Variants in EYA1 observed in about 807,000 individuals in gnomAD.
The protein encoded by EYA1 is EYA transcriptional coactivator and phosphatase 1.
A neutral mutation model predicts 82.0 loss-of-function variants in EYA1; 16 were observed. That is an observed-to-expected ratio of 0.20 (90% CI 0.13 to 0.30). EYA1 has a LOEUF of 0.30. EYA1 is among the 10% of genes least tolerant of loss of function. The pLI is 1.00. For synonymous variants in EYA1, 261 were observed against 264.4 expected, an observed-to-expected ratio of 0.99 and a Z score of 0.12; for missense variants, 633 against 730.7, an observed-to-expected ratio of 0.87 and a Z score of 1.54.
upstream of EYA1, among the ~76,000 whole-genome samples, chr8:71,366,208 G>A (rs1827744010): frequency 6.6e-6 from 1 of 151,886 alleles, no homozygotes; most frequent in Non-Finnish European, 1.5e-5. Flanking sequence ...GAAACTAATA[G>A]TGATAGCAAG....
intron 11 of EYA1, among the ~76,000 whole-genome samples, chr8:71,253,615 G>T (rs1172929653): frequency 6.6e-6 from 1 of 152,092 alleles, no homozygotes; most frequent in Non-Finnish European, 1.5e-5. Context: ...TCCTCAAGTA[G>T]GATAGCTGGA....
intron 7 of EYA1, among the ~76,000 whole-genome samples, chr8:71,313,724 T>C (rs1295616879): frequency 6.6e-6 from 1 of 152,218 alleles, no homozygotes; most frequent in Non-Finnish European, 1.5e-5. Flanking sequence ...CAGCCAATCT[T>C]ACTCCAGAAC....
chr8:71,521,644 T>A (rs1187220827), intron 2 of EYA1, among the ~76,000 whole-genome samples: 1 of 152,142 alleles, frequency 6.6e-6, no homozygotes, highest in African/African-American at 2.4e-5. Flanking sequence ...TCTCTTAACA[T>A]ATATTTTTAA....
At chr8:71,440,243 G>A (rs954625814) in intron 2 of EYA1, among the ~76,000 whole-genome samples, 6 of 152,188 alleles carry the variant, frequency 3.9e-5, no homozygotes, top group African/African-American at 1.2e-4. Context: ...CTAAGCTAAC[G>A]AGTTTGAGTT....
At chr8:71,518,811 C>G (rs1048757184) in intron 2 of EYA1, among the ~76,000 whole-genome samples, 20 of 151,952 alleles carry the variant, frequency 1.3e-4, no homozygotes, top group Non-Finnish European at 2.1e-4. Context: ...ATGTTTGTGG[C>G]CTTGTTAGTA....
At chr8:71,500,957 G>A (rs1811768793) in intron 2 of EYA1, among the ~76,000 whole-genome samples, 1 of 152,174 alleles carries the variant, frequency 6.6e-6, no homozygotes, top group African/African-American at 2.4e-5. Context: ...GATAAGGGTT[G>A]AGAGGCTGTG....
At chr8:71,299,808 G>A in intron 7 of EYA1, 88 bp from the exon 8 acceptor site, 1 of 786,322 alleles carries the variant, frequency 1.3e-6, no homozygotes, top group Non-Finnish European at 2.3e-6. Flanking sequence ...AGGCAGAATT[G>A]GTATTTGGTT....
At chr8:71,232,902 C>A (rs1455150186) in intron 12 of EYA1, among the ~76,000 whole-genome samples, 1 of 152,112 alleles carries the variant, frequency 6.6e-6, no homozygotes, top group Non-Finnish European at 1.5e-5. Flanking sequence ...GTGCTTCCTG[C>A]GAGCCAGTGC....
intron 6 of EYA1, among the ~76,000 whole-genome samples, chr8:71,321,162 C>T (rs1822494273): frequency 6.6e-6 from 1 of 152,106 alleles, no homozygotes; most frequent in Admixed American, 6.5e-5. Context: ...AAGATAATCT[C>T]CAGGTGGGAA....
intron 2 of EYA1, among the ~76,000 whole-genome samples, chr8:71,430,221 T>C (rs1805516988): frequency 6.6e-6 from 1 of 152,216 alleles, no homozygotes; most frequent in South Asian, 2.1e-4. Context: ...CTAAATCCTT[T>C]ATGTGTAATA....
intron 2 of EYA1, among the ~76,000 whole-genome samples, chr8:71,486,903 T>A (rs57184516): frequency 5.9e-5 from 9 of 151,590 alleles, no homozygotes; most frequent in African/African-American, 2.2e-4. Flanking sequence ...GAAGTGCTAT[T>A]TTCATCTCCA....
chr8:71,469,543 G>A lies in EYA1; in HGVS notation c.33+66201C>T, dbSNP rs915291361. ...TTCTATTGCCTTAGAAGATGACACT[G>A]AACCAAAACCACACTCTGTTTTCTG... is the stretch of plus-strand genomic sequence containing the variant. On this transcript the variant is annotated intron_variant, in intron 2 of 18. Coordinates refer to the EYA1 transcript ENST00000643681. Among the ~76,000 whole-genome samples, 10 of 152,226 alleles carry A rather than the reference G, an allele frequency of 6.6e-5. No individual in the cohort carries two copies. In the East Asian group the frequency reaches 1.9e-3, roughly 29 times the overall value.
At chr8:71,357,921 T>C (rs1003238669) in intron 1 of EYA1, among the ~76,000 whole-genome samples, 1 of 152,106 alleles carries the variant, frequency 6.6e-6, no homozygotes, top group Non-Finnish European at 1.5e-5. Context: ...CAAGTTTAAG[T>C]GGTTTCCTTT....
intron 9 of EYA1, among the ~76,000 whole-genome samples, chr8:71,279,474 C>A (rs1242823448): frequency 6.6e-6 from 1 of 152,208 alleles, no homozygotes; most frequent in Non-Finnish European, 1.5e-5. Context: ...TATTATAGTT[C>A]TTCCGTGGCA....
At chr8:71,232,829 T>G (rs538636256) in intron 12 of EYA1, among the ~76,000 whole-genome samples, 1 of 152,264 alleles carries the variant, frequency 6.6e-6, no homozygotes, top group South Asian at 2.1e-4. Context: ...TTACAGGGCT[T>G]GACCCAGCAT....
intron 2 of EYA1, among the ~76,000 whole-genome samples, chr8:71,527,713 G>A (rs947122066): frequency 6.6e-6 from 1 of 152,136 alleles, no homozygotes; most frequent in African/African-American, 2.4e-5. Context: ...GGTAACAACA[G>A]AACAATGCAT....
intron 2 of EYA1, chr8:71,535,637 G>C: frequency 2.6e-6 from 2 of 784,168 alleles, no homozygotes; most frequent in Non-Finnish European, 2.0e-6. Context: ...TGGTACATTG[G>C]TACAGAGCTT....
intron 3 of EYA1, among the ~76,000 whole-genome samples, chr8:71,352,026 A>G (rs1826355467): frequency 6.6e-6 from 1 of 152,234 alleles, no homozygotes; most frequent in African/African-American, 2.4e-5. Flanking sequence ...AATATAAATC[A>G]TGGCATATGT....
At chr8:71,226,887 G>A (rs1810626678) in intron 12 of EYA1, among the ~76,000 whole-genome samples, 1 of 151,704 alleles carries the variant, frequency 6.6e-6, no homozygotes, top group African/African-American at 2.4e-5. Flanking sequence ...TACACAAAAG[G>A]TTATGTCCAA....
Sources: gnomAD v4.1 joint callset for allele counts (sites outside exome capture counted in the v4.1 genomes callset) on GRCh38, gnomAD v4.1.1 for gene constraint, MANE v1.5 for transcripts, NCBI Gene and HGNC (gene_info 2026-07-23, HGNC 2026-07-21) for gene names.